DISC1: variants seen among roughly 807,000 people sequenced by gnomAD.
DISC1 encodes the protein disrupted in schizophrenia 1 protein.
A neutral mutation model predicts 84.5 loss-of-function variants in DISC1; 57 were observed. That is an observed-to-expected ratio of 0.67 (90% CI 0.55 to 0.84). The LOEUF (loss-of-function observed/expected upper bound fraction) is 0.84, where lower values mean the gene tolerates loss of function less well. Ranked by LOEUF, DISC1 falls within the 40% of genes least tolerant of loss-of-function variation. The pLI is 0.00. For missense variants in DISC1, 1,000 were observed against 1,057.8 expected (o/e 0.95, Z 0.76); for synonymous variants, 411 against 415.2 (o/e 0.99, Z 0.12).
intron 7 of DISC1, 25 bp from the exon 8 acceptor site, chr1:231,800,083 T>C (rs1296589142): frequency 6.4e-7 from 1 of 1,565,282 alleles, no homozygotes; most frequent in East Asian, 2.2e-5. Flanking sequence ...TAAATGATGA[T>C]TCCTGGTCAT....
At chr1:231,784,848 T>C (rs2077710008) in intron 6 of DISC1, among the ~76,000 whole-genome samples, 1 of 152,138 alleles carries the variant, frequency 6.6e-6, no homozygotes. Context: ...TCAGCTCAGA[T>C]CTCTCTCCAC....
At chr1:231,648,540 A>G (rs1473149491) in intron 1 of DISC1, among the ~76,000 whole-genome samples, 1 of 152,142 alleles carries the variant, frequency 6.6e-6, no homozygotes, top group African/African-American at 2.4e-5. Flanking sequence ...TGTCTCTGCC[A>G]GGCTTTGGTA....
chr1:231,808,585 T>C (rs1326788382), intron 8 of DISC1, among the ~76,000 whole-genome samples: 1 of 152,088 alleles, frequency 6.6e-6, no homozygotes, highest in Non-Finnish European at 1.5e-5. Context: ...TAAGGGGAAA[T>C]GAAGGGGAGA....
intron 9 of DISC1, among the ~76,000 whole-genome samples, chr1:231,911,739 T>A (rs140154555): frequency 0.014 from 2,118 of 152,316 alleles, 27 homozygotes; most frequent in Non-Finnish European, 0.021. Context: ...AGGTTGGGGA[T>A]GTTCTCCTGG....
rs139462012 is a variant in DISC1, at chr1:231,633,454, G to T, written c.67+6520G>T. Among the ~76,000 whole-genome samples, 79 of 152,270 alleles carry T rather than the reference G, an allele frequency of 5.2e-4. 1 individual carries two copies. Among genetic ancestry groups the T allele is most frequent in the African/African-American group, 1.8e-3 (75 of 41,572 alleles). ...AACCCTTCCAGTGCTAAGATGCTGT[G>T]ATCGTTGTCCTGCAGGATTGGGATT... is the stretch of plus-strand genomic sequence containing the variant. On this transcript the variant is annotated intron_variant, in intron 1 of 12. Coordinates refer to ENST00000439617, the MANE Select transcript of DISC1 (RefSeq NM_018662.3).
rs1013846341 is a variant in DISC1 at position 231,954,859 on chromosome 1, A to T, written c.1982-3969A>T. Among the ~76,000 whole-genome samples, 3 of 152,206 alleles carry T rather than the reference A, an allele frequency of 2.0e-5. No individual in the cohort carries two copies. The highest frequency in any genetic ancestry group is 4.4e-5 in the Non-Finnish European group (3 of 68,038). On this transcript the variant is annotated intron_variant, in intron 9 of 12. Transcript: ENST00000439617. This position sits in a 1 kb window ranked among gnomAD's most constrained non-coding sequence, Gnocchi z 4.8. ...TAGTGAATACATGCAAGGTACTTTT[A>T]GGCTGTCTGGCTGGGAGATAAGTTG...
At chr1:231,758,069 GT>G (rs375621403) in intron 4 of DISC1, among the ~76,000 whole-genome samples, 38 of 146,998 alleles carry the variant, frequency 2.6e-4, no homozygotes, top group Admixed American at 6.1e-4. Flanking sequence ...GCTCCACACT[GT>G]TTTTTTTTTT....
intron 12 of DISC1, among the ~76,000 whole-genome samples, chr1:232,030,835 C>G (rs1469820736): frequency 6.6e-6 from 1 of 152,094 alleles, no homozygotes. Flanking sequence ...AGAGCCTGGC[C>G]AGGTGCGGTG....
At chr1:231,746,056 G>A (rs910565467) in intron 3 of DISC1, among the ~76,000 whole-genome samples, 4 of 152,130 alleles carry the variant, frequency 2.6e-5, no homozygotes, top group Admixed American at 6.6e-5. Flanking sequence ...AGCAGATGCC[G>A]GCACTAAGCT....
At chr1:231,935,968 G>A (rs1283103390) in intron 9 of DISC1, among the ~76,000 whole-genome samples, 2 of 152,146 alleles carry the variant, frequency 1.3e-5, no homozygotes, top group Non-Finnish European at 2.9e-5. Context: ...AGTGGTTCCT[G>A]TATTCTTCCC....
chr1:231,982,256 A>T (rs774083616), intron 10 of DISC1, among the ~76,000 whole-genome samples: 11 of 152,164 alleles, frequency 7.2e-5, no homozygotes, highest in Non-Finnish European at 1.5e-4. Flanking sequence ...GTATTGATTA[A>T]ATCAGCAGCA....
At chr1:231,664,220 G>T (rs962111428) in intron 1 of DISC1, among the ~76,000 whole-genome samples, 51 of 152,158 alleles carry the variant, frequency 3.4e-4, no homozygotes, top group African/African-American at 1.2e-3. Flanking sequence ...AAGAGTCAAG[G>T]TTTGAACCTA....
chr1:231,886,762 CCTTCCTTT>C (rs869125763), intron 9 of DISC1, among the ~76,000 whole-genome samples: 6,326 of 118,972 alleles, frequency 0.053, 214 homozygotes, highest in Middle Eastern at 0.093. Flanking sequence ...TTTCTTCCTT[CCTTCCTTT>C]CTTTCTTTCT....
At position 231,824,950 on chromosome 1, in the gene DISC1, A is replaced by G. The variant is rs573326306; in HGVS notation, c.1981+6433A>G. Among the ~76,000 whole-genome samples the G allele has an allele frequency of 1.6e-4, 25 of 152,264 alleles. No homozygotes were observed. In the East Asian group the frequency reaches 2.1e-3, roughly 13 times the overall value. On this transcript the variant is annotated intron_variant, in intron 9 of 12. Transcript: ENST00000439617. ...TCCTTTCCACAAGCATTTATTGAGT[A>G]CTTACGATATGCTAGGCGCTGTGGC...
chr1:231,697,724 C>T (rs1047412974), intron 2 of DISC1, among the ~76,000 whole-genome samples: 1 of 150,924 alleles, frequency 6.6e-6, no homozygotes. Flanking sequence ...ACTGGGATTA[C>T]AGGCATGAGC....
chr1:231,747,764 C>A (rs181823938), intron 3 of DISC1, among the ~76,000 whole-genome samples: 2 of 152,170 alleles, frequency 1.3e-5, no homozygotes, highest in African/African-American at 2.4e-5. Flanking sequence ...TAGTTCCATA[C>A]AAACTTTAGG....
At chr1:231,812,698 A>G (rs2080424527) in intron 8 of DISC1, among the ~76,000 whole-genome samples, 1 of 152,286 alleles carries the variant, frequency 6.6e-6, no homozygotes, top group East Asian at 1.9e-4. Context: ...CCTCCTTGGC[A>G]TTTAGAAAGG....
At chr1:231,864,600 T>C (rs2084923513) in intron 9 of DISC1, among the ~76,000 whole-genome samples, 1 of 152,040 alleles carries the variant, frequency 6.6e-6, no homozygotes, top group African/African-American at 2.4e-5. Flanking sequence ...GAGGCAGAGC[T>C]TGCAGTGAGC....
intron 1 of DISC1, among the ~76,000 whole-genome samples, chr1:231,690,505 C>G (rs1253375668): frequency 1.3e-5 from 2 of 152,148 alleles, no homozygotes; most frequent in Admixed American, 1.3e-4. Context: ...GAACCTCCTT[C>G]CGGAGCTGAT....
Sources: allele counts gnomAD v4.1 joint callset (sites outside exome capture counted in the v4.1 genomes callset), GRCh38; gene constraint gnomAD v4.1.1; non-coding constraint Gnocchi (gnomAD v3.1); transcripts MANE v1.5; gene names NCBI Gene and HGNC (gene_info 2026-07-23, HGNC 2026-07-21).